GRIA2: variants seen among roughly 807,000 people sequenced by gnomAD.
GRIA2 encodes glutamate receptor 2.
In GRIA2, 14 loss-of-function variants were observed where a neutral mutation model predicts 97.3. The ratio of observed to expected loss-of-function variants is 0.14; its 90% CI spans 0.10 to 0.23. The LOEUF (loss-of-function observed/expected upper bound fraction) is 0.23. Ranked by LOEUF, GRIA2 falls within the 10% of genes least tolerant of loss-of-function variation. The pLI is 1.00. For synonymous variants in GRIA2, 412 were observed against 387.8 expected (o/e 1.06, Z -0.73); for missense variants, 558 against 1,069.8 (o/e 0.52, Z 6.67).
chr4:157,278,532 A>G (rs1422050193), intron 2 of GRIA2, among the ~76,000 whole-genome samples: 2 of 152,038 alleles, frequency 1.3e-5, no homozygotes, highest in Admixed American at 1.3e-4. Context: ...ACAGTAACAT[A>G]TTAGAAAATC....
intron 2 of GRIA2, among the ~76,000 whole-genome samples, chr4:157,242,834 CA>C (rs1019665233): frequency 6.6e-5 from 10 of 152,056 alleles, no homozygotes; most frequent in African/African-American, 2.2e-4. Context: ...GATCCATTAA[CA>C]CTGAATACAT....
At chr4:157,346,886 T>A (rs1735787566) in intron 12 of GRIA2, among the ~76,000 whole-genome samples, 4 of 152,166 alleles carry the variant, frequency 2.6e-5, no homozygotes, top group Admixed American at 2.6e-4. Flanking sequence ...GCAGTTTTTC[T>A]TTCTCTGACA....
At chr4:157,247,971 C>T (rs1301660387) in intron 2 of GRIA2, among the ~76,000 whole-genome samples, 2 of 151,962 alleles carry the variant, frequency 1.3e-5, no homozygotes, top group Non-Finnish European at 2.9e-5. Context: ...ATTTGTTATT[C>T]TTTTGTCAAA....
At chr4:157,229,602 C>T (rs1729910952) in intron 2 of GRIA2, among the ~76,000 whole-genome samples, 1 of 152,032 alleles carries the variant, frequency 6.6e-6, no homozygotes, top group Non-Finnish European at 1.5e-5. Context: ...TATAGTTTTA[C>T]TATTTGGATT....
At chr4:157,283,718 G>A (rs1315139781) in intron 2 of GRIA2, among the ~76,000 whole-genome samples, 2 of 151,850 alleles carry the variant, frequency 1.3e-5, no homozygotes, top group East Asian at 1.9e-4. Context: ...CTTTTAACCT[G>A]TGATTTTGAA....
chr4:157,305,224 T>C (rs1361207265), intron 3 of GRIA2, among the ~76,000 whole-genome samples: 1 of 152,154 alleles, frequency 6.6e-6, no homozygotes, highest in Non-Finnish European at 1.5e-5. Flanking sequence ...GAAATATGGG[T>C]GTATTCTTAA....
intron 2 of GRIA2, among the ~76,000 whole-genome samples, chr4:157,279,984 G>A (rs1732522964): frequency 6.6e-6 from 1 of 152,058 alleles, no homozygotes; most frequent in Admixed American, 6.6e-5. Context: ...AATCAGCCGG[G>A]CATGGTGGTG....
At chr4:157,328,167 AT>A (rs1407014181) in intron 6 of GRIA2, among the ~76,000 whole-genome samples, 1 of 152,068 alleles carries the variant, frequency 6.6e-6, no homozygotes, top group Non-Finnish European at 1.5e-5. Context: ...AAAAATAAAA[AT>A]GTGTTATTAA....
rs762679610 is a variant in GRIA2 at position 157,321,594 on chromosome 4, A to T, written c.877A>T (p.Ile293Phe). Reference sequence around the variant, plus strand: ...ATACCCTGGAGCTCACACAACAACAATTAAGGTTTGCTTTGGTTTCTGTCT... The same window carrying T: ...ATACCCTGGAGCTCACACAACAACATTTAAGGTTTGCTTTGGTTTCTGTCT... ...KEYPGAHTTTIKYTSALTYDA... is the reference protein window; with the variant it reads ...KEYPGAHTTTFKYTSALTYDA... Residue 293 changes from isoleucine (I) to phenylalanine (F), a missense_variant, in exon 6 of 16, where the codon ATT (isoleucine) becomes TTT (phenylalanine). Around this residue, in one of 8 missense-constraint regions of GRIA2, gnomAD observed 173 missense variants for 209.1 expected, o/e 0.83. Coordinates refer to ENST00000264426, the MANE Select transcript of GRIA2 (RefSeq NM_001083619.3). 2 of 1,603,836 alleles carry T rather than the reference A, an allele frequency of 1.2e-6. No homozygotes were observed. The highest frequency in any genetic ancestry group is 1.7e-6 in the Non-Finnish European group (2 of 1,174,392).
chr4:157,347,811 T>A (rs2126964724), intron 12 of GRIA2, among the ~76,000 whole-genome samples: 1 of 152,286 alleles, frequency 6.6e-6, no homozygotes, highest in Middle Eastern at 3.4e-3. Flanking sequence ...GACAAAATTT[T>A]GAACATTCTT....
At chr4:157,272,315 C>G (rs1329450365) in intron 2 of GRIA2, among the ~76,000 whole-genome samples, 1 of 152,034 alleles carries the variant, frequency 6.6e-6, no homozygotes, top group African/African-American at 2.4e-5. Context: ...AAAATCAACA[C>G]CTTTTCTTGA....
At chr4:157,363,172 A>C in intron 15 of GRIA2, 125 bp downstream of exon 15, 2 of 1,071,778 alleles carry the variant, frequency 1.9e-6, no homozygotes, top group Non-Finnish European at 2.7e-6. Flanking sequence ...ACGTTCTTCC[A>C]TGTTCCCAGT....
At chr4:157,273,003 G>A (rs534156059) in intron 2 of GRIA2, among the ~76,000 whole-genome samples, 2 of 151,918 alleles carry the variant, frequency 1.3e-5, no homozygotes, top group African/African-American at 2.4e-5. Context: ...CACATCCATG[G>A]ATTCAACCAA....
chr4:157,236,294 A>G (rs1730243141), intron 2 of GRIA2, among the ~76,000 whole-genome samples: 1 of 152,018 alleles, frequency 6.6e-6, no homozygotes, highest in African/African-American at 2.4e-5. Flanking sequence ...GATATAATAA[A>G]TATTGTCTTC....
Position 157,341,264 on chromosome 4 carries a change from A to G in GRIA2, c.1845A>G (p.Arg615=). Residue 615 remains arginine (R), a splice_region_variant and synonymous_variant, in exon 12 of 16, where the codon AGA becomes AGG. Coordinates refer to ENST00000264426, the MANE Select transcript of GRIA2 (RefSeq NM_001083619.3). ...FMQQGCDISP[R]SLSGRIVGGV... is the part of the protein sequence containing the mutation. ...AAATCCATTTCATACTTGTTATTAG[A>G]TCCCTCTCTGGGCGCATTGTTGGAG... is the stretch of plus-strand genomic sequence containing the variant. 6 of 1,604,840 alleles carry G rather than the reference A, an allele frequency of 3.7e-6. No homozygotes were observed. The highest frequency in any genetic ancestry group is 5.1e-6 in the Non-Finnish European group (6 of 1,171,950).
At position 157,282,395 on chromosome 4, in the gene GRIA2, A is replaced by G. The variant is rs552437495; in HGVS notation, c.230-21157A>G. Among the ~76,000 whole-genome samples, 69 of 151,518 alleles carry G rather than the reference A, an allele frequency of 4.6e-4. 3 individuals are homozygous for G. In the South Asian group the frequency reaches 0.015, roughly 32 times the overall value. ...TAAGAAGTAGGAGTCTTAAAAGAAGATTCTAGAAAAGGAGAGTCTTTAGAA... is the reference window on the plus strand; with the variant it reads ...TAAGAAGTAGGAGTCTTAAAAGAAGGTTCTAGAAAAGGAGAGTCTTTAGAA... On this transcript the variant is annotated intron_variant, in intron 2 of 15. Coordinates refer to ENST00000264426, the MANE Select transcript of GRIA2 (RefSeq NM_001083619.3).
intron 14 of GRIA2, chr4:157,362,404 A>G: frequency 2.2e-6 from 1 of 458,678 alleles, no homozygotes; most frequent in Non-Finnish European, 4.4e-6. Context: ...CGTATGGTTT[A>G]TTTTAGCCCT....
chr4:157,320,625 A>G (rs904397820), intron 5 of GRIA2, among the ~76,000 whole-genome samples: 1 of 152,112 alleles, frequency 6.6e-6, no homozygotes, highest in African/African-American at 2.4e-5. Flanking sequence ...ATAACAAAGA[A>G]AAGATTCTCC....
intron 3 of GRIA2, among the ~76,000 whole-genome samples, chr4:157,312,107 A>G (rs1734108218): frequency 3.3e-5 from 5 of 152,002 alleles, no homozygotes; most frequent in Admixed American, 2.6e-4. Flanking sequence ...AAAAAATAAC[A>G]TAACAGAAGA....
Sources: gnomAD v4.1 joint callset for allele counts (sites outside exome capture counted in the v4.1 genomes callset) on GRCh38, gnomAD v4.1.1 for gene constraint, gnomAD v4.1.1 regional missense constraint, MANE v1.5 for transcripts, NCBI Gene and HGNC (gene_info 2026-07-23, HGNC 2026-07-21) for gene names.